Variants in DCLRE1C observed in about 807,000 individuals in gnomAD.
DCLRE1C encodes the protein DNA cross-link repair 1C.
DCLRE1C carries 47 observed loss-of-function variants against 61.4 expected under a neutral mutation model. The ratio of observed to expected loss-of-function variants is 0.77; its 90% CI spans 0.61 to 0.98. The LOEUF is 0.98. DCLRE1C is among the 50% of genes least tolerant of loss of function. DCLRE1C has a pLI of 0.00. For synonymous variants in DCLRE1C, 337 were observed against 287.6 expected, an observed-to-expected ratio of 1.17 and a Z score of -1.74; for missense variants, 858 against 816.0, an observed-to-expected ratio of 1.05 and a Z score of -0.63.
At chr10:14,903,713 C>T (rs1476629962), downstream of DCLRE1C, 2 of 152,136 alleles carry the variant, frequency 1.3e-5, no homozygotes, top group African/African-American at 4.8e-5. Context: ...AAAAACTATT[C>T]TTTCATGTCT....
At chr10:14,938,297 G>A (rs575293397) in intron 4 of DCLRE1C, among the ~76,000 whole-genome samples, 41 of 152,176 alleles carry the variant, frequency 2.7e-4, no homozygotes, top group African/African-American at 8.7e-4. Flanking sequence ...AGTATTCCCC[G>A]GAAAAGCAGT....
Position 14,908,790 on chromosome 10 carries a change from T to C in DCLRE1C, c.1697A>G (p.Asn566Ser). The change falls in exon 14 of 14, where the codon AAC (asparagine) becomes AGC (serine). Residue 566 changes from asparagine (N) to serine (S), a missense_variant. Asn to Ser is a conservative substitution (Grantham distance 46). Coordinates refer to ENST00000378278, the MANE Select transcript of DCLRE1C (RefSeq NM_001033855.3). ...GTCCAAGGAAGTAATATCCCCACTG[T>C]TTCTCTCTTGGGAAGATAACAAAAC... ...DTVLLSSQER[N>S]SGDITSLDKA... The C allele has an allele frequency of 6.2e-7, 1 of 1,614,230 alleles. No homozygotes were observed. The highest frequency in any genetic ancestry group is 2.2e-5 in the East Asian group (1 of 44,880).
intron 13 of DCLRE1C, among the ~76,000 whole-genome samples, chr10:14,910,723 A>G (rs924366539): frequency 6.6e-6 from 1 of 152,210 alleles, no homozygotes; most frequent in East Asian, 1.9e-4. Context: ...TAGATGCATA[A>G]AAGGCACAAA....
intron 13 of DCLRE1C, 34 bp downstream of exon 13, chr10:14,919,704 C>T: frequency 2.0e-6 from 3 of 1,527,014 alleles, no homozygotes; most frequent in East Asian, 2.3e-5. Flanking sequence ...TTGCAGGGAG[C>T]CCACCCCTCT....
rs1054719074 is a variant in DCLRE1C at position 14,914,412 on chromosome 10, C to T, written c.1157-5082G>A. Among the ~76,000 whole-genome samples the T allele has an allele frequency of 5.9e-5, 9 of 152,138 alleles. 1 individual carries two copies. Among genetic ancestry groups the T allele is most frequent in the African/African-American group, 1.9e-4 (8 of 41,438 alleles). On this transcript the variant is annotated intron_variant, in intron 13 of 13. Transcript: ENST00000378278. Reference sequence around the variant, plus strand: ...ATAGAACTAATCAAGGCAAAATAGGCAAGTCCACAATTACAACTGGAGATT... The same window carrying T: ...ATAGAACTAATCAAGGCAAAATAGGTAAGTCCACAATTACAACTGGAGATT...
chr10:14,926,752 G>C, intron 11 of DCLRE1C, 91 bp downstream of exon 11: 1 of 981,734 alleles, frequency 1.0e-6, no homozygotes, highest in East Asian at 2.4e-5. Flanking sequence ...TAGAAACAGA[G>C]ATGCTTCTGA....
chr10:14,917,670 A>G (rs1302794872), intron 13 of DCLRE1C, among the ~76,000 whole-genome samples: 1 of 152,122 alleles, frequency 6.6e-6, no homozygotes, highest in Non-Finnish European at 1.5e-5. Context: ...CAAAAAATAT[A>G]AAAATTAGCC....
chr10:14,945,320 C>A, intron 2 of DCLRE1C, 131 bp from the exon 3 acceptor site: 1 of 1,398,246 alleles, frequency 7.2e-7, no homozygotes, highest in Non-Finnish European at 9.5e-7. Context: ...GAAACCCCAT[C>A]CCTAATAAAA....
intron 11 of DCLRE1C, 106 bp from the exon 12 acceptor site, chr10:14,923,175 G>T: frequency 1.1e-6 from 1 of 873,648 alleles, no homozygotes; most frequent in Non-Finnish European, 1.9e-6. Flanking sequence ...TCTTATGGCT[G>T]TGGTTCTCAA....
At chr10:14,909,515 G>A (rs1289179561) in intron 13 of DCLRE1C, among the ~76,000 whole-genome samples, 185 bp from the exon 14 acceptor site, 3 of 151,770 alleles carry the variant, frequency 2.0e-5, no homozygotes, top group South Asian at 4.1e-4. Context: ...TATAATAAAT[G>A]CCAGAGTATC....
chr10:14,912,014 G>A (rs545369970), intron 13 of DCLRE1C, among the ~76,000 whole-genome samples: 1 of 152,320 alleles, frequency 6.6e-6, no homozygotes, highest in South Asian at 2.1e-4. Context: ...GGAATGTTTG[G>A]CAGTTCCTTG....
intron 9 of DCLRE1C, among the ~76,000 whole-genome samples, chr10:14,928,756 C>T (rs118002842): frequency 6.3e-4 from 95 of 149,998 alleles, no homozygotes; most frequent in Middle Eastern, 3.5e-3. Context: ...GTGTTGGCAA[C>T]GCAGCAAATC....
intron 8 of DCLRE1C, among the ~76,000 whole-genome samples, chr10:14,933,467 T>C (rs543731573): frequency 1.3e-5 from 2 of 152,138 alleles, no homozygotes; most frequent in South Asian, 2.1e-4. Context: ...TGAAGCCCCA[T>C]CTCTACTAAA....
At chr10:14,944,504 C>CA (rs1296413660) in intron 3 of DCLRE1C, among the ~76,000 whole-genome samples, 1 of 151,420 alleles carries the variant, frequency 6.6e-6, no homozygotes, top group East Asian at 1.9e-4. Flanking sequence ...ATCTCAAAAA[C>CA]AAAAAATAGA....
chr10:14,929,140 T>C (rs766333750), intron 9 of DCLRE1C, among the ~76,000 whole-genome samples: 2 of 152,136 alleles, frequency 1.3e-5, no homozygotes, highest in African/African-American at 2.4e-5. Flanking sequence ...TGTGGTGGCT[T>C]ATGCCTATAA....
At chr10:14,954,244 G>C (rs1842865013), upstream of DCLRE1C, 3 of 642,496 alleles carry the variant, frequency 4.7e-6, no homozygotes, top group Admixed American at 5.2e-5. Flanking sequence ...GCACGCGATG[G>C]GCCCTGAGCC....
chr10:14,937,751 C>A lies in DCLRE1C; in HGVS notation c.307-1158G>T, dbSNP rs865941141. Among the ~76,000 whole-genome samples the A allele has an allele frequency of 3.3e-5, 5 of 152,136 alleles. 1 individual carries two copies. In the Middle Eastern group the frequency reaches 0.01, roughly 310 times the overall value. On this transcript the variant is annotated intron_variant, in intron 4 of 13. Transcript: ENST00000378278. ...ACTAAAAATACAAAAATTAGCTGCG[C>A]ATGGTGGTGGGCAGCACCTGTAATC...
At chr10:14,936,429 T>C in intron 5 of DCLRE1C, 109 bp downstream of exon 5, 2 of 818,206 alleles carry the variant, frequency 2.4e-6, no homozygotes, top group South Asian at 1.5e-5. Flanking sequence ...ATTACAGACA[T>C]GTGCCACTGC....
intron 3 of DCLRE1C, among the ~76,000 whole-genome samples, chr10:14,943,444 A>G (rs1841192481): frequency 6.6e-6 from 1 of 152,012 alleles, no homozygotes; most frequent in African/African-American, 2.4e-5. Flanking sequence ...TGGCCTTCTG[A>G]TTGGTTAGTA....
Sources: gnomAD v4.1 joint callset for allele counts (sites outside exome capture counted in the v4.1 genomes callset) on GRCh38, gnomAD v4.1.1 for gene constraint, MANE v1.5 for transcripts, NCBI Gene and HGNC (gene_info 2026-07-23, HGNC 2026-07-21) for gene names.